The following ARMH3 variants were observed in gnomAD, a reference collection of about 807,000 sequenced individuals.
ARMH3 encodes the protein armadillo-like helical domain-containing protein 3.
A neutral mutation model predicts 99.1 loss-of-function variants in ARMH3; 60 were observed. That is an observed-to-expected ratio of 0.61 (90% CI 0.49 to 0.75). ARMH3 has a LOEUF of 0.75. Ranked by LOEUF, ARMH3 falls within the 30% of genes least tolerant of loss-of-function variation. The pLI, the probability that ARMH3 is intolerant of heterozygous loss-of-function variation, is 0.00. For synonymous variants in ARMH3, 285 were observed against 292.8 expected (o/e 0.97, Z 0.27); for missense variants, 679 against 843.1 (o/e 0.81, Z 2.41).
At chr10:101,940,009 C>T (rs551386020) in intron 22 of ARMH3, 71 bp from the exon 23 acceptor site, 7 of 1,277,238 alleles carry the variant, frequency 5.5e-6, no homozygotes, top group African/African-American at 4.4e-5. Context: ...AATGAAGACA[C>T]ATCTCAGAAT....
At chr10:102,035,938 C>T (rs1264096915) in intron 2 of ARMH3, among the ~76,000 whole-genome samples, 10 of 151,818 alleles carry the variant, frequency 6.6e-5, no homozygotes, top group Admixed American at 6.6e-4. Flanking sequence ...TTCCCAGCGG[C>T]CATCCCGTCT....
At chr10:102,035,356 C>G (rs950455444) in intron 2 of ARMH3, among the ~76,000 whole-genome samples, 6 of 152,114 alleles carry the variant, frequency 3.9e-5, no homozygotes, top group Admixed American at 6.6e-5. Context: ...CAGAGCGAGA[C>G]TCAGTCTCAA....
At chr10:102,030,696 T>C (rs1424937404) in intron 4 of ARMH3, among the ~76,000 whole-genome samples, 1 of 151,462 alleles carries the variant, frequency 6.6e-6, no homozygotes, top group Admixed American at 6.6e-5. Context: ...GCAACAAGAG[T>C]GAAACTCCGT....
chr10:101,923,098 C>T (rs1279281432), intron 23 of ARMH3, among the ~76,000 whole-genome samples: 1 of 152,104 alleles, frequency 6.6e-6, no homozygotes, highest in Non-Finnish European at 1.5e-5. Flanking sequence ...TTTGCTAGAG[C>T]ATGCACAATA....
intron 24 of ARMH3, among the ~76,000 whole-genome samples, chr10:101,885,242 CAT>C (rs1206803139): frequency 6.6e-6 from 1 of 152,060 alleles, no homozygotes; most frequent in African/African-American, 2.4e-5. Context: ...AAATGTTAAA[CAT>C]AGAATTATCC....
chr10:101,913,073 T>C (rs1478439987), intron 23 of ARMH3: 2 of 152,392 alleles, frequency 1.3e-5, no homozygotes, highest in Non-Finnish European at 2.9e-5. Flanking sequence ...CTTGAACTCC[T>C]GGGCTCAAGG....
At chr10:101,956,441 T>G (rs1229297764) in intron 22 of ARMH3, among the ~76,000 whole-genome samples, 156 bp downstream of exon 22, 1 of 152,218 alleles carries the variant, frequency 6.6e-6, no homozygotes, top group Non-Finnish European at 1.5e-5. Context: ...AAGGCCCACA[T>G]GTACCTTCCT....
At chr10:101,960,701 C>T (rs537457173) in intron 20 of ARMH3, among the ~76,000 whole-genome samples, 1 of 151,934 alleles carries the variant, frequency 6.6e-6, no homozygotes, top group African/African-American at 2.4e-5. Flanking sequence ...CCAGCCCGGC[C>T]AAGATGGTGA....
rs1379753274 is a variant in ARMH3 at position 101,924,384 on chromosome 10, C to CA, written c.1781+15478dup. The stretch of plus-strand genomic sequence containing the variant: ...CATTGCTTTTTTTTTTTTTTTGAGA[C>CA]AGAGTCTTGCTCTGTCGCCCAGGCT... On this transcript the variant is annotated intron_variant, in intron 23 of 25. Transcript: ENST00000370033. Among the ~76,000 whole-genome samples the CA allele has an allele frequency of 2.8e-5, 4 of 145,446 alleles. No homozygotes were observed. The East Asian group carries it at 8.2e-4, about 30-fold the overall frequency.
Position 102,038,967 on chromosome 10 carries a change from C to T in ARMH3, c.102+1046G>A, listed in dbSNP as rs558790533. Among the ~76,000 whole-genome samples the T allele has an allele frequency of 2.6e-5, 4 of 151,862 alleles. No individual in the cohort carries two copies. The South Asian group carries it at 8.3e-4, about 32-fold the overall frequency. ...ATGTTGCCCAGGCTGGTCTTGAACTCCTGGGCTCAAGAGATCCACCCACTC... is the reference window on the plus strand; with the variant it reads ...ATGTTGCCCAGGCTGGTCTTGAACTTCTGGGCTCAAGAGATCCACCCACTC... On this transcript the variant is annotated intron_variant, in intron 2 of 25. Coordinates refer to ENST00000370033, the MANE Select transcript of ARMH3 (RefSeq NM_024541.3).
intron 19 of ARMH3, among the ~76,000 whole-genome samples, chr10:101,975,603 C>A (rs994844580): frequency 6.6e-6 from 1 of 152,020 alleles, no homozygotes; most frequent in African/African-American, 2.4e-5. Flanking sequence ...TGGTGGTGCA[C>A]GCCTGTAATC....
At chr10:101,985,216 A>G (rs1257885320) in intron 19 of ARMH3, among the ~76,000 whole-genome samples, 8 of 148,624 alleles carry the variant, frequency 5.4e-5, no homozygotes, top group Non-Finnish European at 7.4e-5. Context: ...GTATATATGT[A>G]TATATATACG....
At chr10:101,871,460 T>C (rs945564446) in intron 24 of ARMH3, among the ~76,000 whole-genome samples, 1 of 152,198 alleles carries the variant, frequency 6.6e-6, no homozygotes. Flanking sequence ...ACCATAAATT[T>C]AGACGTATAG....
intron 24 of ARMH3, 124 bp downstream of exon 24, chr10:101,889,288 C>T: frequency 5.3e-6 from 5 of 934,784 alleles, no homozygotes; most frequent in South Asian, 5.3e-5. Flanking sequence ...ACTAATTCCT[C>T]TCAGCAGCCT....
intron 24 of ARMH3, among the ~76,000 whole-genome samples, chr10:101,851,903 A>G (rs1459448186): frequency 6.6e-6 from 1 of 152,176 alleles, no homozygotes; most frequent in East Asian, 1.9e-4. Flanking sequence ...ACTGGTACCC[A>G]GCAACAGCAG....
At chr10:101,888,550 T>C (rs1037204717) in intron 24 of ARMH3, among the ~76,000 whole-genome samples, 1 of 152,190 alleles carries the variant, frequency 6.6e-6, no homozygotes, top group Non-Finnish European at 1.5e-5. Context: ...GGTCAAATCA[T>C]AGCTGGCTGG....
intron 19 of ARMH3, 139 bp downstream of exon 19, chr10:101,990,412 C>T: frequency 3.5e-6 from 2 of 565,538 alleles, no homozygotes; most frequent in East Asian, 6.0e-5. Context: ...ACCTTGTGAT[C>T]CGCCCGCCTC....
chr10:101,995,262 A>G (rs1847002989), intron 16 of ARMH3, 35 bp downstream of exon 16: 1 of 1,580,332 alleles, frequency 6.3e-7, no homozygotes, highest in East Asian at 2.2e-5. Context: ...ACTTTGTAAA[A>G]GACTGCCTAA....
intron 23 of ARMH3, among the ~76,000 whole-genome samples, chr10:101,917,650 T>C (rs897533243): frequency 6.6e-6 from 1 of 152,220 alleles, no homozygotes; most frequent in African/African-American, 2.4e-5. Context: ...CCTGACTCTA[T>C]TTATGCTATT....
Sources: gnomAD v4.1 joint callset for allele counts (sites outside exome capture counted in the v4.1 genomes callset) on GRCh38, gnomAD v4.1.1 for gene constraint, MANE v1.5 for transcripts, NCBI Gene and HGNC (gene_info 2026-07-23, HGNC 2026-07-21) for gene names.